PHB1: variants seen among roughly 807,000 people sequenced by gnomAD.
The protein encoded by PHB1 is prohibitin 1.
At chr17:49,406,885 C>T in the PHB1 span, 1 of 1,498,318 alleles carries the variant, frequency 6.7e-7, no homozygotes. Flanking sequence ...CAAGATGAGG[C>T]AGTGTGATTG....
chr17:49,411,382 G>C, the PHB1 span, among the ~76,000 whole-genome samples: 44 of 152,082 alleles, frequency 2.9e-4, no homozygotes, highest in Admixed American at 9.8e-4. Flanking sequence ...ATTTTTAGGA[G>C]AGATGGGGTT....
At chr17:49,411,895 G>C in the PHB1 span, 1 of 1,535,528 alleles carries the variant, frequency 6.5e-7, no homozygotes, top group Non-Finnish European at 8.9e-7. Context: ...TTAAACAAAA[G>C]GATCATGTCT....
At chr17:49,413,720 A>AGGTGGTC in the PHB1 span, among the ~76,000 whole-genome samples, 1 of 152,068 alleles carries the variant, frequency 6.6e-6, no homozygotes, top group Non-Finnish European at 1.5e-5. Flanking sequence ...ACGTTGCCCC[A>AGGTGGTC]GGTGGTCTCA....
chr17:49,410,137 C>G, the PHB1 span, among the ~76,000 whole-genome samples: 1 of 152,186 alleles, frequency 6.6e-6, no homozygotes, highest in Admixed American at 6.5e-5. Flanking sequence ...ACTGCCTCAG[C>G]CTCCCAAAAT....
At chr17:49,413,684 A>AT in the PHB1 span, among the ~76,000 whole-genome samples, 1 of 151,560 alleles carries the variant, frequency 6.6e-6, no homozygotes, top group African/African-American at 2.4e-5. Flanking sequence ...AATTTTGTTC[A>AT]TTTTTTGCAG....
chr17:49,413,084 C>T, the PHB1 span: 203 of 886,620 alleles, frequency 2.3e-4, 1 homozygote, highest in South Asian at 2.5e-3. Context: ...CATTCACTGA[C>T]GGCAGCTACC....
the PHB1 span, chr17:49,413,401 C>T: frequency 3.1e-6 from 2 of 652,230 alleles, no homozygotes; most frequent in Admixed American, 2.3e-5. Context: ...TTCCCCATTC[C>T]TGAAAGTGCT....
At chr17:49,411,347 C>A in the PHB1 span, among the ~76,000 whole-genome samples, 5 of 151,752 alleles carry the variant, frequency 3.3e-5, no homozygotes, top group South Asian at 8.4e-4. Flanking sequence ...ATTACAGGCA[C>A]CCCCCACCAC....
chr17:49,404,938 A>T, the PHB1 span: 1 of 1,197,370 alleles, frequency 8.4e-7, no homozygotes. Context: ...CTGTGTTAAG[A>T]ATCATCGGGG....
chr17:49,408,583 C>T, the PHB1 span, among the ~76,000 whole-genome samples: 2 of 152,222 alleles, frequency 1.3e-5, no homozygotes, highest in South Asian at 2.1e-4. Flanking sequence ...TACACTCTAT[C>T]ACCTTTCACT....
At chr17:49,412,306 C>T in the PHB1 span, 29 of 161,774 alleles carry the variant, frequency 1.8e-4, no homozygotes, top group Non-Finnish European at 2.9e-4. Flanking sequence ...AGCTCTGTTT[C>T]GCTAAAGTTT....
the PHB1 span, chr17:49,411,864 T>G: frequency 6.2e-7 from 1 of 1,606,220 alleles, no homozygotes; most frequent in South Asian, 1.1e-5. Context: ...CAATGACATG[T>G]CATAAAAATC....
At chr17:49,408,282 C>T in the PHB1 span, among the ~76,000 whole-genome samples, 4 of 152,134 alleles carry the variant, frequency 2.6e-5, no homozygotes, top group East Asian at 1.9e-4. Context: ...GCACAGATGC[C>T]GGGGGAGGCA....
At chr17:49,413,349 C>T in the PHB1 span, 2 of 883,322 alleles carry the variant, frequency 2.3e-6, no homozygotes, top group Non-Finnish European at 3.6e-6. Flanking sequence ...AGAGAAGGCC[C>T]TCTCTGACAC....
chr17:49,409,205 A>G, the PHB1 span: 1 of 1,577,196 alleles, frequency 6.3e-7, no homozygotes, highest in Non-Finnish European at 8.7e-7. Context: ...TTAATGAGGA[A>G]GCAGAAAAGG....
chr17:49,411,703 A>G, the PHB1 span: 2 of 1,614,146 alleles, frequency 1.2e-6, no homozygotes, highest in Non-Finnish European at 1.7e-6. Context: ...TGACTGGCAC[A>G]TTACGTGGTC....
the PHB1 span, chr17:49,411,806 C>T: frequency 1.9e-6 from 3 of 1,614,106 alleles, no homozygotes; most frequent in South Asian, 2.2e-5. Flanking sequence ...TCCACGGAAT[C>T]GGTCAAAGAT....
At chr17:49,409,172 G>A in the PHB1 span, 1 of 1,605,468 alleles carries the variant, frequency 6.2e-7, no homozygotes. Context: ...GTTTCAAAGG[G>A]AGGAGCAGAA....
chr17:49,410,630 C>G, the PHB1 span, among the ~76,000 whole-genome samples: 1 of 152,164 alleles, frequency 6.6e-6, no homozygotes, highest in Non-Finnish European at 1.5e-5. Context: ...AGGAGTCAGC[C>G]TTGGAGAGGT....
Sources: allele counts gnomAD v4.1 joint callset (sites outside exome capture counted in the v4.1 genomes callset), GRCh38; gene constraint gnomAD v4.1.1; transcripts MANE v1.5; gene names NCBI Gene and HGNC (gene_info 2026-07-23, HGNC 2026-07-21).